CFAP418: variants seen among roughly 807,000 people sequenced by gnomAD.
The protein encoded by CFAP418 is cilia and flagella associated protein 418, also known as cilia- and flagella-associated protein 418.
Under a neutral mutation model 24.7 loss-of-function variants are expected in CFAP418, and 27 were observed. The observed-to-expected ratio is 1.09, with a 90% CI of 0.81 to 1.51. The LOEUF (loss-of-function observed/expected upper bound fraction) is 1.51, where lower values mean the gene tolerates loss of function less well. Among genes scored for constraint, CFAP418 ranks in the 40% most tolerant of loss-of-function variants. The probability of loss-of-function intolerance (pLI) is 0.00; values close to 1 mark genes in which losing one functional copy is unlikely to be tolerated. For synonymous variants in CFAP418, 74 were observed against 87.3 expected (o/e 0.85, Z 0.85); for missense variants, 257 against 255.2 (o/e 1.01, Z -0.05).
chr8:95,248,624 C>T (rs1166175558), intron 5 of CFAP418, among the ~76,000 whole-genome samples: 2 of 151,986 alleles, frequency 1.3e-5, no homozygotes. Flanking sequence ...AAATGATAAA[C>T]ACTGGATTTC....
At chr8:95,264,527 A>G (rs777830372) in intron 1 of CFAP418, among the ~76,000 whole-genome samples, 1 of 152,204 alleles carries the variant, frequency 6.6e-6, no homozygotes, top group Non-Finnish European at 1.5e-5. Context: ...TCAAGGTCAT[A>G]TAAGTAGTGG....
At chr8:95,249,213 C>T (rs1023407872) in intron 5 of CFAP418, among the ~76,000 whole-genome samples, 1 of 152,156 alleles carries the variant, frequency 6.6e-6, no homozygotes, top group Non-Finnish European at 1.5e-5. Flanking sequence ...CTAATTATGA[C>T]ATTTGAAATG....
rs530477477 is a variant in CFAP418 at position 95,261,355 on chromosome 8, A to T, written c.244-823T>A. 2.0e-5 allele frequency among the ~76,000 whole-genome samples: 3 copies of T among 152,296 alleles called. No individual in the cohort carries two copies. The East Asian group carries it at 5.8e-4, about 29-fold the overall frequency. ...TTTGGTACATGTTTGAAAAATAATA[A>T]TATGCACGAATCTTTCTGTTTGGGG... On this transcript the variant is annotated intron_variant, in intron 2 of 5. Coordinates refer to ENST00000286688, the MANE Select transcript of CFAP418 (RefSeq NM_177965.4).
chr8:95,258,101 A>G (rs980173771), intron 4 of CFAP418, among the ~76,000 whole-genome samples: 10 of 152,108 alleles, frequency 6.6e-5, no homozygotes, highest in African/African-American at 1.4e-4. Context: ...TGAAAAACAG[A>G]GCTGGGCGCA....
rs76316160 is a variant in CFAP418 at position 95,260,563 on chromosome 8, T to C, written c.244-31A>G. ...AAAAAAGCAAAACAATAAAAGGCCATGAGTAACTTAGAAAACTGTAACATG... is the reference window on the plus strand; with the variant it reads ...AAAAAAGCAAAACAATAAAAGGCCACGAGTAACTTAGAAAACTGTAACATG... On this transcript the variant is annotated intron_variant, in intron 2 of 5. Coordinates refer to ENST00000286688, the MANE Select transcript of CFAP418 (RefSeq NM_177965.4). 82,876 of 1,380,070 alleles carry C rather than the reference T, an allele frequency of 0.06. 2,929 individuals are homozygous for C. Among genetic ancestry groups the C allele is most frequent in the East Asian group, 0.12 (4,781 of 40,324 alleles). The allele number at this position is 1,380,070 out of a possible 1,614,324, so 85.5% of individuals were successfully genotyped here. A position where few individuals can be genotyped will look rare whatever the true frequency, so the allele number is the denominator to read the frequency against.
intron 1 of CFAP418, among the ~76,000 whole-genome samples, chr8:95,268,242 G>A (rs1417216369): frequency 1.3e-5 from 2 of 152,118 alleles, no homozygotes; most frequent in East Asian, 3.9e-4. Flanking sequence ...GAACTCAGGA[G>A]TTCAAGACCA....
Position 95,269,045 on chromosome 8 carries a change from C to G in CFAP418, c.145G>C (p.Glu49Gln), listed in dbSNP as rs775053272. ...TCCCGCCCGGTTAACCTGAGCGTCT[C>G]TTTCGCCTTGGCTTGGTTCCGGTCG... ...SSDRNQAKAKETLRSTETFKK... is the reference protein window; with the variant it reads ...SSDRNQAKAKQTLRSTETFKK... Residue 49 changes from glutamate (E) to glutamine (Q), a missense_variant, in exon 1 of 6, where the codon GAG becomes CAG. Physicochemically the swap from Glu to Gln is conservative, Grantham distance 29. Coordinates refer to ENST00000286688, the MANE Select transcript of CFAP418 (RefSeq NM_177965.4). The G allele has an allele frequency of 1.9e-6, 3 of 1,614,098 alleles. No individual in the cohort carries two copies. Among genetic ancestry groups the G allele is most frequent in the Non-Finnish European group, 2.5e-6 (3 of 1,179,960 alleles).
intron 2 of CFAP418, 68 bp from the exon 3 acceptor site, chr8:95,260,600 T>C (rs1450600860): frequency 2.4e-6 from 2 of 836,400 alleles, no homozygotes; most frequent in African/African-American, 3.6e-5. Flanking sequence ...AAACTAATAT[T>C]CCTTATAACA....
At chr8:95,262,707 C>T (rs182493031) in intron 2 of CFAP418, among the ~76,000 whole-genome samples, 2 of 152,228 alleles carry the variant, frequency 1.3e-5, no homozygotes, top group Admixed American at 1.3e-4. Flanking sequence ...GATGAGCACA[C>T]CTTATGACCT....
chr8:95,260,348 G>T, intron 3 of CFAP418, 120 bp downstream of exon 3: 1 of 701,412 alleles, frequency 1.4e-6, no homozygotes. Context: ...TCTCCTGAAG[G>T]CCAACCAATG....
intron 2 of CFAP418, among the ~76,000 whole-genome samples, chr8:95,263,345 C>T (rs1811924413): frequency 6.6e-6 from 1 of 151,948 alleles, no homozygotes; most frequent in Non-Finnish European, 1.5e-5. Flanking sequence ...AGGTGCTAAG[C>T]ACATTCCTAC....
At chr8:95,261,996 T>A (rs1587356280) in intron 2 of CFAP418, among the ~76,000 whole-genome samples, 1 of 152,364 alleles carries the variant, frequency 6.6e-6, no homozygotes, top group East Asian at 1.9e-4. Context: ...TTAGGAAGTA[T>A]TCTATTTGCA....
In CFAP418 at chr8:95,246,256, T is replaced by C. The variant is rs1811620407; in HGVS notation, c.*1361A>G. On this transcript the variant is annotated 3_prime_UTR_variant, in exon 6 of 6. Coordinates refer to ENST00000286688, the MANE Select transcript of CFAP418 (RefSeq NM_177965.4). The stretch of plus-strand genomic sequence containing the variant: ...TGCCTGCCTCAGCCTCCCAAAGTGC[T>C]GGGATTACAGGCGTGAGCTACCATG... 6.6e-6 allele frequency: 1 copy of C among 152,274 alleles called. No homozygotes were observed. Among genetic ancestry groups the C allele is most frequent in the African/African-American group, 2.4e-5 (1 of 41,468 alleles). 9.4% of individuals were successfully genotyped at this position (152,274 alleles called of 1,614,324 possible). A position where few individuals can be genotyped will look rare whatever the true frequency, so the allele number is the denominator to read the frequency against.
intron 2 of CFAP418, among the ~76,000 whole-genome samples, chr8:95,262,775 A>C (rs1811913543): frequency 6.6e-6 from 1 of 152,180 alleles, no homozygotes. Context: ...TGGGTAAAAG[A>C]AGCCATGTAA....
rs1811641226 is a variant in CFAP418 at position 95,247,560 on chromosome 8, A to G, written c.*57T>C. 1.3e-6 allele frequency: 2 copies of G among 1,595,372 alleles called. No individual in the cohort carries two copies. Among genetic ancestry groups the G allele is most frequent in the African/African-American group, 1.3e-5 (1 of 74,732 alleles). ...TAGGGACTATTGTCTAAACATGATG[A>G]TGATTCATGGAGACCACTCTCATGG... On this transcript the variant is annotated 3_prime_UTR_variant, in exon 6 of 6. Transcript: ENST00000286688.
At chr8:95,259,988 T>C in intron 3 of CFAP418, 83 bp from the exon 4 acceptor site, 1 of 1,122,472 alleles carries the variant, frequency 8.9e-7, no homozygotes. Context: ...AAAAAATTTT[T>C]GGTTTTATTG....
rs138871529 is a variant in CFAP418 at position 95,262,123 on chromosome 8, C to T, written c.243+1564G>A. The stretch of plus-strand genomic sequence containing the variant: ...AGTATTTGTGGCATGCGAAACCCCA[C>T]GTACAGAGGGCCAACTTTTCATAAG... On this transcript the variant is annotated intron_variant, in intron 2 of 5. Coordinates refer to ENST00000286688, the MANE Select transcript of CFAP418 (RefSeq NM_177965.4). Among the ~76,000 whole-genome samples, 510 of 152,236 alleles carry T rather than the reference C, an allele frequency of 3.4e-3. 2 individuals are homozygous for T. Among genetic ancestry groups the T allele is most frequent in the African/African-American group, 0.012 (478 of 41,532 alleles).
In CFAP418 at chr8:95,245,999, T is replaced by C. The variant is rs1204123254; in HGVS notation, c.*1618A>G. The C allele has an allele frequency of 1.3e-5, 2 of 151,998 alleles. No homozygotes were observed. The highest frequency in any genetic ancestry group is 4.8e-5 in the African/African-American group (2 of 41,416). The allele number at this position is 151,998 out of a possible 1,614,324, so 9.4% of individuals were successfully genotyped here. ...TAAAATCTGTCATAATGTCTTTTTT[T>C]TTTTTTTGAGACAGAGTCTCACTGT... On this transcript the variant is annotated 3_prime_UTR_variant, in exon 6 of 6. Coordinates refer to ENST00000286688, the MANE Select transcript of CFAP418 (RefSeq NM_177965.4).
chr8:95,268,519 T>C (rs1812048111), intron 1 of CFAP418, among the ~76,000 whole-genome samples: 1 of 151,806 alleles, frequency 6.6e-6, no homozygotes, highest in African/African-American at 2.4e-5. Context: ...ACAAATAGGA[T>C]TGACCTGGGG....
Sources: allele counts gnomAD v4.1 joint callset (sites outside exome capture counted in the v4.1 genomes callset), GRCh38; gene constraint gnomAD v4.1.1; transcripts MANE v1.5; gene names NCBI Gene and HGNC (gene_info 2026-07-23, HGNC 2026-07-21).